PCDH7: variants seen among roughly 807,000 people sequenced by gnomAD.
PCDH7 encodes the protein protocadherin-7.
A neutral mutation model predicts 58.9 loss-of-function variants in PCDH7; 17 were observed. That is an observed-to-expected ratio of 0.29 (90% CI 0.20 to 0.43). PCDH7 has a LOEUF of 0.43. PCDH7 is among the 20% of genes least tolerant of loss of function. The pLI is 1.00. For synonymous variants in PCDH7, 664 were observed against 616.4 expected (o/e 1.08, Z -1.14); for missense variants, 1,274 against 1,441.0 (o/e 0.88, Z 1.88).
At chr4:31,044,376 A>G (rs76096098) in intron 3 of PCDH7, among the ~76,000 whole-genome samples, 11,139 of 152,058 alleles carry the variant, frequency 0.073, 578 homozygotes, top group South Asian at 0.18. Flanking sequence ...TAAATTTTAT[A>G]TCCCATATTT....
At chr4:30,891,851 G>C (rs1176589764) in intron 1 of PCDH7, among the ~76,000 whole-genome samples, 1 of 151,590 alleles carries the variant, frequency 6.6e-6, no homozygotes, top group Admixed American at 6.6e-5. Context: ...GAAAACATGG[G>C]GGTGATGCCT....
intron 2 of PCDH7, among the ~76,000 whole-genome samples, chr4:30,931,128 C>T (rs1186809674): frequency 2.0e-5 from 3 of 152,112 alleles, no homozygotes; most frequent in African/African-American, 4.8e-5. Context: ...AGGACATTTG[C>T]ATGGGAGGTA....
chr4:30,795,015 A>G (rs1032245953), intron 1 of PCDH7, among the ~76,000 whole-genome samples: 7 of 152,054 alleles, frequency 4.6e-5, no homozygotes, highest in African/African-American at 1.7e-4. Context: ...TCCCTCTTGG[A>G]TTTTCTATGA....
intron 1 of PCDH7, among the ~76,000 whole-genome samples, chr4:30,801,813 T>C (rs1307802925): frequency 6.6e-6 from 1 of 152,180 alleles, no homozygotes; most frequent in Non-Finnish European, 1.5e-5. Context: ...ACAGGTAAAC[T>C]GTCTCTTTCA....
chr4:30,899,920 A>G (rs1739990952), intron 1 of PCDH7, among the ~76,000 whole-genome samples: 2 of 152,198 alleles, frequency 1.3e-5, no homozygotes, highest in South Asian at 4.1e-4. Context: ...TGATGTTGAT[A>G]ATAACAATAA....
At chr4:30,869,913 G>A (rs563496495) in intron 1 of PCDH7, among the ~76,000 whole-genome samples, 86 of 152,200 alleles carry the variant, frequency 5.7e-4, no homozygotes, top group Non-Finnish European at 1.0e-3. Context: ...GTATAAAAGC[G>A]TTCCTATTTC....
intron 3 of PCDH7, among the ~76,000 whole-genome samples, chr4:31,077,857 C>T (rs1759136804): frequency 6.6e-6 from 1 of 152,058 alleles, no homozygotes; most frequent in Non-Finnish European, 1.5e-5. Context: ...CTGACTGACT[C>T]CTAAACAGAA....
At chr4:31,026,130 T>TG (rs1454538445) in intron 3 of PCDH7, among the ~76,000 whole-genome samples, 20 of 152,236 alleles carry the variant, frequency 1.3e-4, no homozygotes, top group Non-Finnish European at 2.5e-4. Flanking sequence ...CCAAAATATT[T>TG]GCCAGCATTA....
intron 3 of PCDH7, among the ~76,000 whole-genome samples, chr4:30,990,143 G>A (rs1751344853): frequency 6.6e-6 from 1 of 151,654 alleles, no homozygotes; most frequent in African/African-American, 2.4e-5. Flanking sequence ...AGTCAAATAA[G>A]AGCAAGCATT....
At chr4:30,985,201 C>T (rs1750869244) in intron 3 of PCDH7, among the ~76,000 whole-genome samples, 1 of 152,170 alleles carries the variant, frequency 6.6e-6, no homozygotes, top group Admixed American at 6.5e-5. Flanking sequence ...AAGTGATCTG[C>T]CCACCTTGGT....
chr4:31,074,628 C>A lies in PCDH7; in HGVS notation c.*8-67845C>A, dbSNP rs1468437157. On this transcript the variant is annotated intron_variant, in intron 3 of 3. Transcript: ENST00000509759. ...TGAAACCCTGTCTCTACTAAAAATACAAAAAAATAGCCAGGCATGGTGGCA... is the reference window on the plus strand; with the variant it reads ...TGAAACCCTGTCTCTACTAAAAATAAAAAAAAATAGCCAGGCATGGTGGCA... Among the ~76,000 whole-genome samples, 5 of 151,062 alleles carry A rather than the reference C, an allele frequency of 3.3e-5. No homozygotes were observed. In the East Asian group the frequency reaches 7.8e-4, roughly 24 times the overall value.
chr4:31,084,973 TTGCCC>T (rs1315425175), intron 3 of PCDH7, among the ~76,000 whole-genome samples: 1 of 152,094 alleles, frequency 6.6e-6, no homozygotes, highest in Non-Finnish European at 1.5e-5. Flanking sequence ...GGGGTTCACC[TTGCCC>T]GCTGCCTAGA....
chr4:30,773,335 G>C (rs1277484619), intron 1 of PCDH7, among the ~76,000 whole-genome samples: 1 of 152,176 alleles, frequency 6.6e-6, no homozygotes, highest in Non-Finnish European at 1.5e-5. Flanking sequence ...TCTCCTTTCT[G>C]CAAGGTGTCA....
At chr4:30,987,917 G>T (rs190343274) in intron 3 of PCDH7, 2 of 152,044 alleles carry the variant, frequency 1.3e-5, no homozygotes, top group Non-Finnish European at 2.9e-5. Context: ...AAGTATATTA[G>T]GGGACATTTA....
chr4:31,039,191 C>T (rs1292067052), intron 3 of PCDH7, among the ~76,000 whole-genome samples: 1 of 152,104 alleles, frequency 6.6e-6, no homozygotes, highest in Non-Finnish European at 1.5e-5. Context: ...TCTCCTTTAG[C>T]ATTTTAAAGT....
At chr4:30,811,386 C>A (rs1050182182) in intron 1 of PCDH7, among the ~76,000 whole-genome samples, 3 of 152,128 alleles carry the variant, frequency 2.0e-5, no homozygotes, top group Non-Finnish European at 2.9e-5. Context: ...CAAACATAAT[C>A]AATTACCTAT....
At chr4:31,088,007 T>C (rs574657649) in intron 3 of PCDH7, among the ~76,000 whole-genome samples, 15 of 152,164 alleles carry the variant, frequency 9.9e-5, no homozygotes, top group African/African-American at 3.6e-4. Context: ...ATTGTTTTTG[T>C]AAGGAAACTA....
intron 3 of PCDH7, among the ~76,000 whole-genome samples, chr4:31,119,410 GT>G (rs1189031521): frequency 1.3e-5 from 2 of 152,030 alleles, no homozygotes; most frequent in African/African-American, 4.8e-5. Context: ...TCTATATAAA[GT>G]TTTTACCAAC....
chr4:31,045,137 A>T (rs546928023), intron 3 of PCDH7, among the ~76,000 whole-genome samples: 29 of 152,060 alleles, frequency 1.9e-4, no homozygotes, highest in Non-Finnish European at 2.6e-4. Flanking sequence ...GGTGACACAG[A>T]AATTACTGTG....
Sources: allele counts gnomAD v4.1 joint callset (sites outside exome capture counted in the v4.1 genomes callset), GRCh38; gene constraint gnomAD v4.1.1; transcripts MANE v1.5; gene names NCBI Gene and HGNC (gene_info 2026-07-23, HGNC 2026-07-21).